Variants in PLCG2 observed in about 807,000 individuals in gnomAD.
The protein encoded by PLCG2 is 1-phosphatidylinositol 4,5-bisphosphate phosphodiesterase gamma-2.
In PLCG2, 69 loss-of-function variants were observed where a neutral mutation model predicts 175.6. That is an observed-to-expected ratio of 0.39 (90% confidence interval 0.32 to 0.48). The LOEUF (loss-of-function observed/expected upper bound fraction) is 0.48. Ranked by LOEUF, PLCG2 falls within the 20% of genes least tolerant of loss-of-function variation. The pLI is 0.91. For synonymous variants in PLCG2, 827 were observed against 624.0 expected, an observed-to-expected ratio of 1.33 and a Z score of -4.85; for missense variants, 1,798 against 1,650.9, an observed-to-expected ratio of 1.09 and a Z score of -1.54.
chr16:81,786,326 G>A (rs1045529685), intron 2 of PLCG2, 144 bp downstream of exon 2: 2 of 712,906 alleles, frequency 2.8e-6, no homozygotes, highest in African/African-American at 3.6e-5. Flanking sequence ...AGCATTGCCA[G>A]TTTGTGTGGA....
At chr16:81,751,973 G>T (rs1391836944) in intron 1 of PLCG2, among the ~76,000 whole-genome samples, 4 of 152,062 alleles carry the variant, frequency 2.6e-5, no homozygotes, top group Non-Finnish European at 5.9e-5. Context: ...AGTGAGCCGA[G>T]ATTGTGCCAC....
Position 81,960,182 on chromosome 16 carries a change from G to C in PLCG2, c.*2184G>C, listed in dbSNP as rs560342701. 2.7e-5 allele frequency: 6 copies of C among 220,996 alleles called. No homozygotes were observed. The South Asian group carries it at 5.5e-4, about 20-fold the overall frequency. The allele number at this position is 220,996 out of a possible 1,614,324, so 13.7% of individuals were successfully genotyped here. A position where few individuals can be genotyped will look rare whatever the true frequency, so the allele number is the denominator to read the frequency against. On this transcript the variant is annotated 3_prime_UTR_variant, in exon 33 of 33. Transcript: ENST00000564138. The stretch of plus-strand genomic sequence containing the variant: ...CGGTTCTTTCCTCCTGTCCTTGACA[G>C]AGTAACACGTTAATCTGGTTCTTGG...
At chr16:81,946,101 G>A (rs1911138305) in intron 30 of PLCG2, 74 bp from the exon 31 acceptor site, 15 of 1,114,910 alleles carry the variant, frequency 1.3e-5, no homozygotes, top group Non-Finnish European at 2.1e-5. Flanking sequence ...ATGATCCCGA[G>A]GTAGCCTCCA....
intron 31 of PLCG2, among the ~76,000 whole-genome samples, chr16:81,947,964 C>G (rs553356083): frequency 6.6e-6 from 1 of 152,142 alleles, no homozygotes; most frequent in Admixed American, 6.5e-5. Context: ...GTGCCCTTTT[C>G]TACTTCACAG....
At chr16:81,907,233 A>G (rs1567526777) in intron 15 of PLCG2, among the ~76,000 whole-genome samples, 1 of 152,180 alleles carries the variant, frequency 6.6e-6, no homozygotes, top group Non-Finnish European at 1.5e-5. Context: ...GCATGACAAT[A>G]AAACAGTGAC....
intron 2 of PLCG2, among the ~76,000 whole-genome samples, chr16:81,835,876 A>T (rs1905488649): frequency 1.3e-5 from 2 of 151,542 alleles, no homozygotes; most frequent in Admixed American, 1.3e-4. Flanking sequence ...GGATATTGGC[A>T]CTCCCATCTC....
chr16:81,832,507 A>T (rs1905301953), intron 2 of PLCG2, among the ~76,000 whole-genome samples: 1 of 152,132 alleles, frequency 6.6e-6, no homozygotes, highest in Non-Finnish European at 1.5e-5. Context: ...TTCCCACCTC[A>T]GCCTCCCAGG....
In PLCG2 at chr16:81,960,899, TCTC is replaced by T; in HGVS notation, c.*2902_*2904del. The T allele has an allele frequency of 4.4e-6, 1 of 229,344 alleles. No individual in the cohort carries two copies. The highest frequency in any genetic ancestry group is 8.6e-6 in the Non-Finnish European group (1 of 115,668). 14.2% of individuals were successfully genotyped at this position (229,344 alleles called of 1,614,324 possible). A position where few individuals can be genotyped will look rare whatever the true frequency, so the allele number is the denominator to read the frequency against. ...GAGCCTCATCTTCCTGTTATATTCT[TCTC>T]TAAGATTCATCTGCCTGAGAAAATG... On this transcript the variant is annotated 3_prime_UTR_variant, in exon 33 of 33. Coordinates refer to ENST00000564138, the MANE Select transcript of PLCG2 (RefSeq NM_002661.5).
chr16:81,946,140 C>T (rs776824733), intron 30 of PLCG2, 35 bp from the exon 31 acceptor site: 1 of 1,532,122 alleles, frequency 6.5e-7, no homozygotes, highest in South Asian at 1.1e-5. Flanking sequence ...ACATTAATTA[C>T]CTGCCTTTGC....
chr16:81,743,678 C>A lies in PLCG2; in HGVS notation c.-145+4293C>A, dbSNP rs527775950. ...GATGTGAAGCCAGGAGAAAGGAAAG[C>A]TGCAGCTATGCAGGGCTCCTGTGGG... On this transcript the variant is annotated intron_variant, in intron 1 of 5. Transcript: ENST00000565054. Among the ~76,000 whole-genome samples the A allele has an allele frequency of 4.9e-4, 74 of 152,274 alleles. No homozygotes were observed. In the South Asian group the frequency reaches 0.014, roughly 28 times the overall value.
chr16:81,831,864 A>G (rs1174160433), intron 2 of PLCG2, among the ~76,000 whole-genome samples: 1 of 152,182 alleles, frequency 6.6e-6, no homozygotes, highest in Non-Finnish European at 1.5e-5. Context: ...TTGGTTTGCA[A>G]AACTCTGAGC....
chr16:81,841,701 C>A (rs1034563087), intron 2 of PLCG2, among the ~76,000 whole-genome samples: 5 of 152,282 alleles, frequency 3.3e-5, no homozygotes, highest in East Asian at 1.9e-4. Flanking sequence ...CCTGCTAGAT[C>A]CTTCTAGAGC....
At chr16:81,849,476 T>G (rs1376334046) in intron 2 of PLCG2, among the ~76,000 whole-genome samples, 3 of 152,170 alleles carry the variant, frequency 2.0e-5, no homozygotes, top group Non-Finnish European at 4.4e-5. Context: ...GATCCCCTCT[T>G]GGCTGGGCGT....
At chr16:81,851,798 C>T (rs1032553200) in intron 2 of PLCG2, among the ~76,000 whole-genome samples, 6 of 150,408 alleles carry the variant, frequency 4.0e-5, no homozygotes, top group African/African-American at 1.5e-4. Flanking sequence ...CAGGCGTGGG[C>T]CACCAGTGCC....
rs1906536467 is a variant in PLCG2 at position 81,853,669 on chromosome 16, G to T, written c.194-775G>T. On this transcript the variant is annotated intron_variant, in intron 2 of 32. Coordinates refer to ENST00000564138, the MANE Select transcript of PLCG2 (RefSeq NM_002661.5). The stretch of plus-strand genomic sequence containing the variant: ...TAATAGTGCTTACTTGCCGGTACCA[G>T]TCCATGGCCTGGGGGTTGGGGAATC... Among the ~76,000 whole-genome samples the T allele has an allele frequency of 2.0e-5, 3 of 152,174 alleles. No homozygotes were observed. In the South Asian group the frequency reaches 6.2e-4, roughly 32 times the overall value.
At position 81,946,225 on chromosome 16, in the gene PLCG2, G is replaced by C; in HGVS notation, c.3532G>C (p.Ala1178Pro). 6.2e-7 allele frequency: 1 copy of C among 1,613,966 alleles called. No individual in the cohort carries two copies. Among genetic ancestry groups the C allele is most frequent in the Non-Finnish European group, 8.5e-7 (1 of 1,179,862 alleles). The stretch of plus-strand genomic sequence containing the variant: ...TGGGTACAGCGAGGACATAGAGCTG[G>C]CTTCCCTCCTGGTTTTCTGTGAGAT... ...KNGYSEDIEL[A>P]SLLVFCEMRP... Residue 1178 changes from alanine (A) to proline (P), a missense_variant, in exon 31 of 33, where the codon GCT becomes CCT. Ala to Pro is a conservative substitution (Grantham distance 27, BLOSUM62 -1). Transcript: ENST00000564138.
chr16:81,855,861 C>T (rs55829397), intron 3 of PLCG2, among the ~76,000 whole-genome samples: 25,099 of 151,922 alleles, frequency 0.17, 2,425 homozygotes, highest in Non-Finnish European at 0.22. Context: ...AAATGAGGAG[C>T]GAATGTCTGA....
intron 2 of PLCG2, among the ~76,000 whole-genome samples, chr16:81,822,416 A>T (rs2143340575): frequency 6.6e-6 from 1 of 152,282 alleles, no homozygotes; most frequent in South Asian, 2.1e-4. Context: ...ATGGGAGAGT[A>T]TTCTGGGTTA....
chr16:81,773,539 T>C (rs1450693021), intron 2 of PLCG2, among the ~76,000 whole-genome samples: 1 of 152,184 alleles, frequency 6.6e-6, no homozygotes, highest in Non-Finnish European at 1.5e-5. Flanking sequence ...CAGCTGCTCT[T>C]GTACACTATT....
Sources: gnomAD v4.1 joint callset for allele counts (sites outside exome capture counted in the v4.1 genomes callset) on GRCh38, gnomAD v4.1.1 for gene constraint, MANE v1.5 for transcripts, NCBI Gene and HGNC (gene_info 2026-07-23, HGNC 2026-07-21) for gene names.